TTC27: variants seen among roughly 807,000 people sequenced by gnomAD.
The protein encoded by TTC27 is tetratricopeptide repeat protein 27.
TTC27 carries 79 observed loss-of-function variants against 115.9 expected under a neutral mutation model. That is an observed-to-expected ratio of 0.68 (90% CI 0.57 to 0.82). The LOEUF (loss-of-function observed/expected upper bound fraction) is 0.82. TTC27 is among the 40% of genes least tolerant of loss of function. The pLI, the probability that TTC27 is intolerant of heterozygous loss-of-function variation, is 0.00. For synonymous variants in TTC27, 401 were observed against 356.0 expected (o/e 1.13, Z -1.42); for missense variants, 1,054 against 993.1 (o/e 1.06, Z -0.82).
At chr2:32,668,476 A>G (rs1345530445) in intron 7 of TTC27, among the ~76,000 whole-genome samples, 1 of 151,312 alleles carries the variant, frequency 6.6e-6, no homozygotes, top group Non-Finnish European at 1.5e-5. Context: ...TTAATACAGA[A>G]TTTTAATCGT....
intron 4 of TTC27, among the ~76,000 whole-genome samples, chr2:32,648,654 T>C (rs1012506790): frequency 1.4e-4 from 22 of 151,972 alleles, no homozygotes; most frequent in African/African-American, 5.1e-4. Context: ...AGAAAAAGCA[T>C]CAGCGAATAA....
intron 5 of TTC27, among the ~76,000 whole-genome samples, chr2:32,651,626 C>T (rs1034967493): frequency 3.9e-5 from 6 of 152,058 alleles, no homozygotes; most frequent in African/African-American, 1.2e-4. Flanking sequence ...ATTACAGGCT[C>T]GAGCCACTGC....
Position 32,660,508 on chromosome 2 carries a change from AAC to A in TTC27, c.641-3792_641-3791del, listed in dbSNP as rs1430058820. 4.6e-5 allele frequency among the ~76,000 whole-genome samples: 7 copies of A among 152,162 alleles called. No individual in the cohort carries two copies. The East Asian group carries it at 1.3e-3, about 29-fold the overall frequency. ...AAACTAACACAGGAACAGAAAACCGAACACTGCATGTTCTCACTCATAAGTGG... is the reference window on the plus strand; with the variant it reads ...AAACTAACACAGGAACAGAAAACCGAACTGCATGTTCTCACTCATAAGTGG... On this transcript the variant is annotated intron_variant, in intron 5 of 19. Transcript: ENST00000317907.
At chr2:32,643,748 G>A (rs886206336) in intron 4 of TTC27, among the ~76,000 whole-genome samples, 2 of 152,056 alleles carry the variant, frequency 1.3e-5, no homozygotes, top group Non-Finnish European at 2.9e-5. Context: ...AGAATATTAA[G>A]CATTGTCCAG....
At chr2:32,725,303 C>A (rs554135093) in intron 10 of TTC27, among the ~76,000 whole-genome samples, 2 of 152,260 alleles carry the variant, frequency 1.3e-5, no homozygotes, top group South Asian at 4.2e-4. Context: ...CAAGACAAGG[C>A]AAGTCCCTTC....
intron 10 of TTC27, among the ~76,000 whole-genome samples, chr2:32,720,570 G>A (rs567135229): frequency 1.3e-5 from 2 of 152,236 alleles, no homozygotes; most frequent in South Asian, 2.1e-4. Context: ...GTCAACATAG[G>A]GTAGTAATTC....
chr2:32,755,265 C>A (rs900453359), intron 12 of TTC27, among the ~76,000 whole-genome samples: 2 of 152,168 alleles, frequency 1.3e-5, no homozygotes, highest in Non-Finnish European at 2.9e-5. Context: ...GAGCCAAGAT[C>A]ACGCCACTGC....
At chr2:32,739,542 T>C (rs1206709073) in intron 12 of TTC27, among the ~76,000 whole-genome samples, 2 of 152,164 alleles carry the variant, frequency 1.3e-5, no homozygotes, top group Non-Finnish European at 2.9e-5. Context: ...TGCTTCTGTT[T>C]CTAAATCCTC....
At chr2:32,812,644 G>A in intron 18 of TTC27, 29 bp downstream of exon 18, 1 of 1,532,522 alleles carries the variant, frequency 6.5e-7, no homozygotes, top group South Asian at 1.1e-5. Context: ...GATATCCATG[G>A]AATGTTTTGA....
chr2:32,775,836 A>G (rs1669980130), intron 13 of TTC27, among the ~76,000 whole-genome samples: 1 of 152,228 alleles, frequency 6.6e-6, no homozygotes, highest in African/African-American at 2.4e-5. Context: ...GATGAAATAT[A>G]ATACACAGAT....
At chr2:32,737,842 A>G (rs576489932) in intron 12 of TTC27, among the ~76,000 whole-genome samples, 1 of 152,064 alleles carries the variant, frequency 6.6e-6, no homozygotes, top group Non-Finnish European at 1.5e-5. Context: ...ATCTCTACAA[A>G]AAAACAAAAT....
chr2:32,724,893 G>A (rs769042767), intron 10 of TTC27, among the ~76,000 whole-genome samples: 2 of 152,224 alleles, frequency 1.3e-5, no homozygotes, highest in Non-Finnish European at 2.9e-5. Context: ...AATGGACTTA[G>A]AGTTCCATGT....
At chr2:32,747,375 A>T (rs1374376515) in intron 12 of TTC27, among the ~76,000 whole-genome samples, 1 of 152,214 alleles carries the variant, frequency 6.6e-6, no homozygotes, top group Admixed American at 6.5e-5. Context: ...CTTACTGAAC[A>T]TCATAGTTTA....
chr2:32,727,300 T>G (rs770687603), intron 10 of TTC27, among the ~76,000 whole-genome samples: 1 of 152,194 alleles, frequency 6.6e-6, no homozygotes, highest in Non-Finnish European at 1.5e-5. Flanking sequence ...GAAGATCAGC[T>G]CATTTTCCAA....
intron 8 of TTC27, among the ~76,000 whole-genome samples, chr2:32,676,780 C>T (rs1195514406): frequency 4.0e-5 from 6 of 151,794 alleles, no homozygotes; most frequent in Non-Finnish European, 5.9e-5. Flanking sequence ...TTAGCCACTG[C>T]GCCTAGCCTC....
intron 16 of TTC27, among the ~76,000 whole-genome samples, chr2:32,797,680 A>C (rs1670757127): frequency 6.6e-6 from 1 of 152,234 alleles, no homozygotes; most frequent in South Asian, 2.1e-4. Flanking sequence ...ATAGGGCAAG[A>C]ACTTTATAAC....
intron 12 of TTC27, among the ~76,000 whole-genome samples, chr2:32,756,963 C>A (rs762095946): frequency 1.3e-5 from 2 of 152,146 alleles, no homozygotes. Flanking sequence ...GAGGTAGCTC[C>A]AAACTGTGGA....
chr2:32,745,518 G>T (rs1668794096), intron 12 of TTC27, among the ~76,000 whole-genome samples: 2 of 152,272 alleles, frequency 1.3e-5, no homozygotes, highest in Admixed American at 1.3e-4. Flanking sequence ...ATTTTCAGAA[G>T]ATCAGGGAAG....
At chr2:32,746,832 A>G (rs549139903) in intron 12 of TTC27, among the ~76,000 whole-genome samples, 4 of 152,324 alleles carry the variant, frequency 2.6e-5, no homozygotes, top group African/African-American at 7.2e-5. Flanking sequence ...GAAAGAGTGA[A>G]GAAGACTGAG....
Sources: gnomAD v4.1 joint callset for allele counts (sites outside exome capture counted in the v4.1 genomes callset) on GRCh38, gnomAD v4.1.1 for gene constraint, MANE v1.5 for transcripts, NCBI Gene and HGNC (gene_info 2026-07-23, HGNC 2026-07-21) for gene names.